RBFOX1: variants seen among roughly 807,000 people sequenced by gnomAD.
RBFOX1 encodes RNA binding protein fox-1 homolog 1.
A neutral mutation model predicts 57.7 loss-of-function variants in RBFOX1; 8 were observed. That is an observed-to-expected ratio of 0.14 (90% CI 0.08 to 0.25). RBFOX1 has a LOEUF of 0.25. RBFOX1 is among the 10% of genes least tolerant of loss of function. The pLI is 1.00. For missense variants in RBFOX1, 611 were observed against 548.5 expected (o/e 1.11, Z -1.14); for synonymous variants, 326 against 222.4 (o/e 1.47, Z -4.15).
chr16:6,463,717 C>T (rs972994863), intron 2 of RBFOX1, among the ~76,000 whole-genome samples: 2 of 152,190 alleles, frequency 1.3e-5, no homozygotes, highest in Non-Finnish European at 2.9e-5. Context: ...CTTGGCTCCG[C>T]CATTATACAG....
intron 4 of RBFOX1, among the ~76,000 whole-genome samples, chr16:7,193,604 G>C (rs772034264): frequency 2.6e-5 from 4 of 152,126 alleles, no homozygotes; most frequent in Admixed American, 1.3e-4. Flanking sequence ...GATCCAATGA[G>C]GCAGGTACTA....
intron 4 of RBFOX1, among the ~76,000 whole-genome samples, chr16:7,160,536 A>T (rs1386920173): frequency 6.6e-6 from 1 of 152,124 alleles, no homozygotes; most frequent in East Asian, 1.9e-4. Context: ...TATTTGTGTC[A>T]TTAACTTGTT....
At chr16:6,814,035 T>TCAAA (rs112818935) in intron 3 of RBFOX1, among the ~76,000 whole-genome samples, 69,340 of 151,544 alleles carry the variant, frequency 0.46, 16,328 homozygotes, top group Non-Finnish European at 0.51. Flanking sequence ...GAAATTAGAT[T>TCAAA]CAAACATAAC....
intron 4 of RBFOX1, among the ~76,000 whole-genome samples, chr16:7,463,242 C>T (rs2059902004): frequency 6.6e-6 from 1 of 152,124 alleles, no homozygotes; most frequent in African/African-American, 2.4e-5. Flanking sequence ...GCTGGCTCAC[C>T]CCTGTAATCC....
intron 5 of RBFOX1, among the ~76,000 whole-genome samples, chr16:7,569,553 A>T (rs757499552): frequency 6.6e-6 from 1 of 152,148 alleles, no homozygotes; most frequent in African/African-American, 2.4e-5. Flanking sequence ...AGGATAATCT[A>T]TTTTATGGTC....
intron 3 of RBFOX1, among the ~76,000 whole-genome samples, chr16:5,743,377 C>G (rs1412076695): frequency 6.6e-6 from 1 of 152,132 alleles, no homozygotes; most frequent in Non-Finnish European, 1.5e-5. Flanking sequence ...TATCAGAGTT[C>G]TCTTAAACCA....
Position 5,737,629 on chromosome 16 carries a change from T to C in RBFOX1, c.319-129674T>C, listed in dbSNP as rs147210374. On this transcript the variant is annotated intron_variant, in intron 3 of 19. Transcript: ENST00000641259. ...TGCTTTTTGTATGTCAGCAAATCTGTACTTCTCACTAAGTTTAGGGTGCTT... is the reference window on the plus strand; with the variant it reads ...TGCTTTTTGTATGTCAGCAAATCTGCACTTCTCACTAAGTTTAGGGTGCTT... 6.5e-4 allele frequency among the ~76,000 whole-genome samples: 99 copies of C among 152,008 alleles called. 1 individual carries two copies. In the East Asian group the frequency reaches 0.015, roughly 23 times the overall value.
At chr16:6,519,139 A>C (rs949244982) in intron 2 of RBFOX1, among the ~76,000 whole-genome samples, 1 of 151,996 alleles carries the variant, frequency 6.6e-6, no homozygotes, top group South Asian at 2.1e-4. Context: ...AAGCCAGCCA[A>C]ATGTCTCTGC....
chr16:6,578,248 C>G (rs929079270), intron 2 of RBFOX1, among the ~76,000 whole-genome samples: 5 of 152,208 alleles, frequency 3.3e-5, no homozygotes, highest in African/African-American at 2.4e-5. Flanking sequence ...CAAGTCATCA[C>G]AAAACACTTT....
intron 1 of RBFOX1, among the ~76,000 whole-genome samples, chr16:6,286,645 A>G (rs2076932406): frequency 6.6e-6 from 1 of 152,004 alleles, no homozygotes; most frequent in Non-Finnish European, 1.5e-5. Flanking sequence ...CCTTGCCTGG[A>G]CTCCGAGCAG....
At chr16:7,479,325 C>G (rs995690710) in intron 4 of RBFOX1, among the ~76,000 whole-genome samples, 4 of 151,898 alleles carry the variant, frequency 2.6e-5, no homozygotes, top group African/African-American at 4.8e-5. Context: ...AGATGGGGGT[C>G]TCACTTTGTT....
chr16:6,799,793 T>C (rs1199763588), intron 3 of RBFOX1, among the ~76,000 whole-genome samples: 1 of 152,016 alleles, frequency 6.6e-6, no homozygotes, highest in Admixed American at 6.5e-5. Context: ...TTAACACCAG[T>C]GGTTTGCTAG....
intron 1 of RBFOX1, among the ~76,000 whole-genome samples, chr16:5,322,014 TCTCCATC>T (rs2064423770): frequency 6.6e-6 from 1 of 152,106 alleles, no homozygotes; most frequent in Non-Finnish European, 1.5e-5. Context: ...TACTAGAGTG[TCTCCATC>T]CTACAGATGA....
chr16:6,387,405 G>A (rs904930852), intron 2 of RBFOX1, among the ~76,000 whole-genome samples: 2 of 151,056 alleles, frequency 1.3e-5, no homozygotes, highest in Non-Finnish European at 2.9e-5. Context: ...TACACTCCTC[G>A]GATTCGTATG....
At chr16:7,152,516 T>C (rs985192499) in intron 4 of RBFOX1, among the ~76,000 whole-genome samples, 1 of 152,208 alleles carries the variant, frequency 6.6e-6, no homozygotes, top group Non-Finnish European at 1.5e-5. Context: ...CCTTATGGTC[T>C]GGTGCTACCA....
chr16:6,441,450 C>T (rs974361854), intron 2 of RBFOX1, among the ~76,000 whole-genome samples: 2 of 151,646 alleles, frequency 1.3e-5, no homozygotes, highest in Non-Finnish European at 2.9e-5. Context: ...GAGTTTTGCT[C>T]TTGTTGCCCA....
chr16:5,992,659 C>G (rs78009083), intron 4 of RBFOX1, among the ~76,000 whole-genome samples: 2 of 152,094 alleles, frequency 1.3e-5, no homozygotes, highest in Non-Finnish European at 2.9e-5. Flanking sequence ...TGTGGTCAGG[C>G]GTGGTGGCTC....
rs540183932 is a variant in RBFOX1, at chr16:5,268,468, C to T, written c.219+28363C>T. Among the ~76,000 whole-genome samples, 4 of 152,318 alleles carry T rather than the reference C, an allele frequency of 2.6e-5. No individual in the cohort carries two copies. The East Asian group carries it at 7.7e-4, about 29-fold the overall frequency. ...GATAAAATAAAAAATCTAGTACAGT[C>T]AAGATTATACGTGCAAATCCCCTCA... On this transcript the variant is annotated intron_variant, in intron 1 of 2. Coordinates refer to the RBFOX1 transcript ENST00000585867.
chr16:5,863,430 G>C (rs535078888), intron 3 of RBFOX1, among the ~76,000 whole-genome samples: 54 of 152,262 alleles, frequency 3.5e-4, no homozygotes, highest in Non-Finnish European at 6.3e-4. Context: ...AAAGCCCATG[G>C]TTGCAGCTGG....
Sources: allele counts gnomAD v4.1 joint callset (sites outside exome capture counted in the v4.1 genomes callset), GRCh38; gene constraint gnomAD v4.1.1; transcripts MANE v1.5; gene names NCBI Gene and HGNC (gene_info 2026-07-23, HGNC 2026-07-21).